Variants in UBE2H observed in about 807,000 individuals in gnomAD.
UBE2H encodes the protein ubiquitin-conjugating enzyme E2 H.
Under a neutral mutation model 29.0 loss-of-function variants are expected in UBE2H, and 3 were observed. The ratio of observed to expected loss-of-function variants is 0.10; its 90% CI spans 0.05 to 0.27. UBE2H has a LOEUF of 0.27. UBE2H is among the 10% of genes least tolerant of loss of function. The pLI, the probability that UBE2H is intolerant of heterozygous loss-of-function variation, is 1.00. For synonymous variants in UBE2H, 69 were observed against 82.9 expected, an observed-to-expected ratio of 0.83 and a Z score of 0.91; for missense variants, 68 against 228.2, an observed-to-expected ratio of 0.30 and a Z score of 4.52.
At chr7:129,864,145 A>C (rs1805852734) in intron 3 of UBE2H, among the ~76,000 whole-genome samples, 1 of 152,204 alleles carries the variant, frequency 6.6e-6, no homozygotes, top group African/African-American at 2.4e-5. Flanking sequence ...GGAAAAAAGC[A>C]TATCTCCTTG....
intron 4 of UBE2H, among the ~76,000 whole-genome samples, chr7:129,858,195 CTA>C (rs1028378410): frequency 5.9e-5 from 9 of 152,032 alleles, no homozygotes; most frequent in African/African-American, 2.2e-4. Context: ...AATCTGACAA[CTA>C]TATACTGTGG....
chr7:129,916,487 A>C (rs75241091), intron 1 of UBE2H, among the ~76,000 whole-genome samples: 2 of 151,404 alleles, frequency 1.3e-5, no homozygotes, highest in African/African-American at 4.9e-5. Flanking sequence ...AAAAAAAAAA[A>C]AAAGCCTACC....
At chr7:129,900,121 C>T (rs1405895786) in intron 1 of UBE2H, among the ~76,000 whole-genome samples, 5 of 150,516 alleles carry the variant, frequency 3.3e-5, no homozygotes, top group Non-Finnish European at 7.4e-5. Context: ...CAGAGTAAGA[C>T]CCATCTCAAA....
chr7:129,833,952 G>T lies in UBE2H; in HGVS notation c.*985C>A, dbSNP rs191355093. On this transcript the variant is annotated 3_prime_UTR_variant, in exon 7 of 7. Transcript: ENST00000355621. Reference sequence around the variant, plus strand: ...CCATGAGCGGCTTGTCCAAGGAGGCGGCCGCCTCTTGGTAGGTGAAGATGA... The same window carrying T: ...CCATGAGCGGCTTGTCCAAGGAGGCTGCCGCCTCTTGGTAGGTGAAGATGA... The T allele has an allele frequency of 2.0e-5, 3 of 151,954 alleles. No individual in the cohort carries two copies. Among genetic ancestry groups the T allele is most frequent in the Non-Finnish European group, 2.9e-5 (2 of 68,026 alleles). The allele number at this position is 151,954 out of a possible 1,614,324, so 9.4% of individuals were successfully genotyped here.
At chr7:129,894,596 T>C (rs1468672180) in intron 1 of UBE2H, among the ~76,000 whole-genome samples, 1 of 150,298 alleles carries the variant, frequency 6.7e-6, no homozygotes, top group Non-Finnish European at 1.5e-5. Context: ...CAAGTGATTC[T>C]CCTGCCTCAG....
intron 3 of UBE2H, among the ~76,000 whole-genome samples, chr7:129,860,187 TAAG>T (rs1163922919): frequency 1.3e-5 from 2 of 152,188 alleles, no homozygotes; most frequent in Non-Finnish European, 2.9e-5. Context: ...AAACAGGGGA[TAAG>T]AATACCAAGT....
At chr7:129,840,186 TAA>T in intron 5 of UBE2H, among the ~76,000 whole-genome samples, 1 of 152,140 alleles carries the variant, frequency 6.6e-6, no homozygotes, top group East Asian at 1.9e-4. Context: ...TTTATTTATT[TAA>T]AAAAGTTTTT....
At chr7:129,859,938 C>T (rs567672412) in intron 3 of UBE2H, among the ~76,000 whole-genome samples, 4 of 152,282 alleles carry the variant, frequency 2.6e-5, no homozygotes, top group South Asian at 4.1e-4. Flanking sequence ...ACACCGCAGG[C>T]ATTGTGCTTG....
At chr7:129,901,215 T>C (rs1307059729) in intron 1 of UBE2H, among the ~76,000 whole-genome samples, 3 of 152,240 alleles carry the variant, frequency 2.0e-5, no homozygotes, top group Non-Finnish European at 4.4e-5. Flanking sequence ...TTAAATGTTT[T>C]CCCTAGCAAA....
rs1300445843 is a variant in UBE2H at position 129,841,251 on chromosome 7, C to T, written c.299-1916G>A. ...GCAGCCAAAGTATAGGTCAACAAAT[C>T]GATGTGGCTGTATTCCTATAAAACT... On this transcript the variant is annotated intron_variant, in intron 5 of 6. Transcript: ENST00000355621. Among the ~76,000 whole-genome samples the T allele has an allele frequency of 2.6e-5, 4 of 152,182 alleles. No homozygotes were observed. The South Asian group carries it at 8.3e-4, about 32-fold the overall frequency.
intron 3 of UBE2H, among the ~76,000 whole-genome samples, chr7:129,875,822 A>G (rs1047841743): frequency 6.6e-6 from 1 of 152,194 alleles, no homozygotes; most frequent in Non-Finnish European, 1.5e-5. Context: ...AAGGCTAAAA[A>G]CTGTGAACCT....
At chr7:129,915,267 T>C (rs1807021002) in intron 1 of UBE2H, among the ~76,000 whole-genome samples, 1 of 152,202 alleles carries the variant, frequency 6.6e-6, no homozygotes, top group South Asian at 2.1e-4. Context: ...CCGGGCGCGG[T>C]GTCTCACACC....
chr7:129,920,510 C>A (rs1156316208), intron 1 of UBE2H, among the ~76,000 whole-genome samples: 1 of 151,898 alleles, frequency 6.6e-6, no homozygotes. Context: ...TAGAATACTT[C>A]TAATAATATC....
At chr7:129,921,694 CAAA>C (rs1047164274) in intron 1 of UBE2H, among the ~76,000 whole-genome samples, 1 of 68,500 alleles carries the variant, frequency 1.5e-5, no homozygotes. Flanking sequence ...GACTCTGTCA[CAAA>C]AAAAAAAAAA....
rs550273712 is a variant in UBE2H at position 129,952,629 on chromosome 7, C to G, written c.-74G>C. The G allele has an allele frequency of 6.5e-7, 1 of 1,543,458 alleles. No homozygotes were observed. Among genetic ancestry groups the G allele is most frequent in the East Asian group, 2.4e-5 (1 of 40,912 alleles). ...CGGGGCCCCGGCTCTGAGGAGCCCG[C>G]GGCCGCGCCGGCTCCTCGGTGGAGG... On this transcript the variant is annotated 5_prime_UTR_variant, in exon 1 of 7. Coordinates refer to ENST00000355621, the MANE Select transcript of UBE2H (RefSeq NM_003344.4).
intron 5 of UBE2H, chr7:129,857,077 G>A (rs1805719127): frequency 1.3e-5 from 2 of 155,094 alleles, no homozygotes; most frequent in African/African-American, 4.8e-5. Flanking sequence ...CCTTCATAAG[G>A]AGGTTTTGGT....
chr7:129,948,417 A>T (rs1807807492), intron 1 of UBE2H, among the ~76,000 whole-genome samples: 1 of 152,198 alleles, frequency 6.6e-6, no homozygotes, highest in Admixed American at 6.5e-5. Context: ...TTAATGTAAG[A>T]CACCGTCCCT....
intron 1 of UBE2H, among the ~76,000 whole-genome samples, chr7:129,943,211 C>A (rs990184703): frequency 6.6e-6 from 1 of 151,838 alleles, no homozygotes; most frequent in Non-Finnish European, 1.5e-5. Flanking sequence ...CCCTGTCACC[C>A]AGGCTGGACT....
intron 5 of UBE2H, among the ~76,000 whole-genome samples, chr7:129,849,618 T>TCCC (rs1805573288): frequency 1.3e-5 from 2 of 152,024 alleles, no homozygotes; most frequent in Non-Finnish European, 2.9e-5. Context: ...TAATTTGAAC[T>TCCC]CAACTTCAGT....
Sources: gnomAD v4.1 joint callset for allele counts (sites outside exome capture counted in the v4.1 genomes callset) on GRCh38, gnomAD v4.1.1 for gene constraint, MANE v1.5 for transcripts, NCBI Gene and HGNC (gene_info 2026-07-23, HGNC 2026-07-21) for gene names.